OLFM2: variants seen among roughly 807,000 people sequenced by gnomAD.
OLFM2 encodes the protein noelin-2.
A neutral mutation model predicts 43.9 loss-of-function variants in OLFM2; 20 were observed. That is an observed-to-expected ratio of 0.46 (90% CI 0.32 to 0.66). OLFM2 has a LOEUF of 0.66. Among genes scored for constraint, OLFM2 ranks in the 30% least tolerant of loss-of-function variants. OLFM2 has a pLI of 0.04. For synonymous variants in OLFM2, 268 were observed against 278.6 expected, an observed-to-expected ratio of 0.96 and a Z score of 0.38; for missense variants, 416 against 643.6, an observed-to-expected ratio of 0.65 and a Z score of 3.83.
At chr19:9,883,119 A>T (rs1166905271) in intron 1 of OLFM2, among the ~76,000 whole-genome samples, 1 of 151,790 alleles carries the variant, frequency 6.6e-6, no homozygotes, top group Non-Finnish European at 1.5e-5. Context: ...CTGAGGCAGG[A>T]GAATCACTTG....
At chr19:9,906,351 T>C (rs979988933) in intron 1 of OLFM2, among the ~76,000 whole-genome samples, 15 of 152,144 alleles carry the variant, frequency 9.9e-5, no homozygotes, top group Admixed American at 8.5e-4. Flanking sequence ...TTAGTCCTCA[T>C]TGAGATATCT....
intron 1 of OLFM2, among the ~76,000 whole-genome samples, chr19:9,924,506 G>A (rs563296334): frequency 4.0e-5 from 6 of 150,782 alleles, no homozygotes; most frequent in Non-Finnish European, 7.4e-5. Context: ...CCATCCTTCC[G>A]CCTTGGCCAC....
intron 1 of OLFM2, chr19:9,913,688 T>A: frequency 9.3e-7 from 1 of 1,073,984 alleles, no homozygotes; most frequent in Non-Finnish European, 1.1e-6. Flanking sequence ...GGGCGCTCGG[T>A]CCCTCGACAC....
intron 1 of OLFM2, among the ~76,000 whole-genome samples, chr19:9,861,793 TG>T (rs1342454373): frequency 2.6e-5 from 4 of 152,130 alleles, no homozygotes; most frequent in Non-Finnish European, 5.9e-5. Context: ...CTGAGGCAGG[TG>T]GATCACCTGA....
chr19:9,919,789 A>AT (rs750249042), intron 1 of OLFM2, among the ~76,000 whole-genome samples: 3,384 of 90,528 alleles, frequency 0.037, 151 homozygotes, highest in African/African-American at 0.068. Flanking sequence ...GACCACTGCC[A>AT]TTTTTTTTTT....
chr19:9,918,741 T>C (rs1433462777), intron 1 of OLFM2, among the ~76,000 whole-genome samples: 1 of 152,228 alleles, frequency 6.6e-6, no homozygotes, highest in African/African-American at 2.4e-5. Flanking sequence ...AAAAACATTT[T>C]GCTAAGTAAA....
chr19:9,868,912 C>T (rs575603859), intron 1 of OLFM2, among the ~76,000 whole-genome samples: 4 of 149,616 alleles, frequency 2.7e-5, no homozygotes, highest in Non-Finnish European at 5.9e-5. Context: ...CTCCAGCCTG[C>T]GTGACAAAGT....
chr19:9,894,234 A>C (rs2046662382), intron 1 of OLFM2, among the ~76,000 whole-genome samples: 1 of 151,742 alleles, frequency 6.6e-6, no homozygotes, highest in Non-Finnish European at 1.5e-5. Context: ...GGGAGGTTGC[A>C]GTGAGCAGAG....
intron 1 of OLFM2, among the ~76,000 whole-genome samples, chr19:9,917,696 C>G (rs1201046983): frequency 6.6e-6 from 1 of 152,100 alleles, no homozygotes; most frequent in Non-Finnish European, 1.5e-5. Flanking sequence ...GGCTTCTCAA[C>G]TCTTTCTTCT....
At chr19:9,862,631 T>C (rs1488606224) in intron 1 of OLFM2, among the ~76,000 whole-genome samples, 4 of 151,330 alleles carry the variant, frequency 2.6e-5, no homozygotes, top group Admixed American at 6.6e-5. Context: ...CAATGAGCTA[T>C]GGCTGTGCCA....
At chr19:9,917,214 C>T (rs1027833571) in intron 1 of OLFM2, among the ~76,000 whole-genome samples, 1 of 152,102 alleles carries the variant, frequency 6.6e-6, no homozygotes, top group African/African-American at 2.4e-5. Flanking sequence ...TGCTCTGTCA[C>T]CCAGGCTGGA....
intron 1 of OLFM2, among the ~76,000 whole-genome samples, chr19:9,889,316 C>T (rs1377406660): frequency 6.6e-6 from 1 of 151,908 alleles, no homozygotes; most frequent in African/African-American, 2.4e-5. Context: ...GTGGCGCGAT[C>T]ACAGCACACA....
chr19:9,891,300 G>A lies in OLFM2; in HGVS notation c.64-30506C>T, dbSNP rs112027189. Reference sequence around the variant, plus strand: ...TGCACTACAGCCTGGGCAACAGAGCGAGACTCCATCTCGGAAAAAAAAAAA... The same window carrying A: ...TGCACTACAGCCTGGGCAACAGAGCAAGACTCCATCTCGGAAAAAAAAAAA... On this transcript the variant is annotated intron_variant, in intron 1 of 5. Transcript: ENST00000264833. 9.8e-3 allele frequency among the ~76,000 whole-genome samples: 1,312 copies of A among 133,670 alleles called. 21 individuals carry two copies. Among genetic ancestry groups the A allele is most frequent in the African/African-American group, 0.034 (1,257 of 36,548 alleles). 87.7% of individuals were successfully genotyped at this position (133,670 alleles called of 152,430 possible). A position where few individuals can be genotyped will look rare whatever the true frequency, so the allele number is the denominator to read the frequency against.
chr19:9,857,760 C>T lies in OLFM2; in HGVS notation c.315G>A (p.Ala105=), dbSNP rs568684916. 45 of 1,614,128 alleles carry T rather than the reference C, an allele frequency of 2.8e-5. No homozygotes were observed. The South Asian group carries it at 3.5e-4, about 13-fold the overall frequency. The stretch of plus-strand genomic sequence containing the variant: ...GGGACCCATCAGCTGCCCGGAGCCG[C>T]GCATCCAGGCTCCGCATGAGGGTCT... ...GMETLMRSLD[A]RLRAADGSLS... The change falls in exon 3 of 6, where the codon GCG becomes GCA. Residue 105 remains alanine (A), a synonymous_variant. Coordinates refer to ENST00000264833, the MANE Select transcript of OLFM2 (RefSeq NM_058164.4). This position sits in a 1 kb window ranked among gnomAD's most constrained non-coding sequence, Gnocchi z 5.7.
At chr19:9,935,493 T>TAC (rs998066045) in intron 1 of OLFM2, among the ~76,000 whole-genome samples, 1 of 151,738 alleles carries the variant, frequency 6.6e-6, no homozygotes, top group Non-Finnish European at 1.5e-5. Context: ...GGCACCAAGA[T>TAC]ACACACACAC....
At chr19:9,879,247 C>T (rs1369896872) in intron 1 of OLFM2, among the ~76,000 whole-genome samples, 1 of 152,222 alleles carries the variant, frequency 6.6e-6, no homozygotes, top group East Asian at 1.9e-4. Context: ...ATTCTCCTGC[C>T]TCAGCCTCTC....
chr19:9,924,907 C>T (rs557075839), intron 1 of OLFM2, among the ~76,000 whole-genome samples: 75 of 150,466 alleles, frequency 5.0e-4, no homozygotes, highest in Admixed American at 9.3e-4. Context: ...TATATATATG[C>T]GTGTATATAT....
chr19:9,857,182 G>T lies in OLFM2; in HGVS notation c.580+81C>A. 7.4e-7 allele frequency: 1 copy of T among 1,358,916 alleles called. No homozygotes were observed. 84.2% of individuals were successfully genotyped at this position (1,358,916 alleles called of 1,614,324 possible). On this transcript the variant is annotated intron_variant, in intron 4 of 5. Transcript: ENST00000264833. The surrounding 1 kb of genome is among the most constrained non-coding windows in gnomAD (Gnocchi z 5.7). ...AAGTTAGAGGTCAAAACTGTGTCCA[G>T]CTTCTAGGCACAAACAGGTGATACT...
At position 9,854,183 on chromosome 19, in the gene OLFM2, G is replaced by A. The variant is rs763264446; in HGVS notation, c.*3C>T. 6.2e-7 allele frequency: 1 copy of A among 1,613,978 alleles called. No individual in the cohort carries two copies. Among genetic ancestry groups the A allele is most frequent in the South Asian group, 1.1e-5 (1 of 91,054 alleles). On this transcript the variant is annotated 3_prime_UTR_variant, in exon 6 of 6. Transcript: ENST00000264833. The surrounding 1 kb of genome is among the most constrained non-coding windows in gnomAD (Gnocchi z 9.5). ...AGGCAGCAGCCCGAGCCACAGCATT[G>A]GCTCAGGGGTCCCCAGAGGTGCTGA...
Sources: allele counts gnomAD v4.1 joint callset (sites outside exome capture counted in the v4.1 genomes callset), GRCh38; gene constraint gnomAD v4.1.1; non-coding constraint Gnocchi (gnomAD v3.1); transcripts MANE v1.5; gene names NCBI Gene and HGNC (gene_info 2026-07-23, HGNC 2026-07-21).